The following SHANK2 variants were observed in gnomAD, a reference collection of about 807,000 sequenced individuals.
The protein encoded by SHANK2 is SH3 and multiple ankyrin repeat domains 2, also known as SH3 and multiple ankyrin repeat domains protein 2.
In SHANK2, 43 loss-of-function variants were observed where a neutral mutation model predicts 133.7. That is an observed-to-expected ratio of 0.32 (90% confidence interval 0.25 to 0.41). The LOEUF (loss-of-function observed/expected upper bound fraction) is 0.41. Among genes scored for constraint, SHANK2 ranks in the 10% least tolerant of loss-of-function variants. SHANK2 has a pLI of 1.00. For missense variants in SHANK2, 1,994 were observed against 2,235.8 expected (o/e 0.89, Z 2.18); for synonymous variants, 1,017 against 952.8 (o/e 1.07, Z -1.24).
chr11:70,641,563 G>A (rs1243407730), intron 17 of SHANK2, among the ~76,000 whole-genome samples: 3 of 152,114 alleles, frequency 2.0e-5, no homozygotes, highest in Middle Eastern at 3.2e-3. Flanking sequence ...TGCAGTCAAC[G>A]GAACAGAAGC....
At chr11:70,781,482 C>T (rs1947487066) in intron 14 of SHANK2, among the ~76,000 whole-genome samples, 1 of 147,038 alleles carries the variant, frequency 6.8e-6, no homozygotes, top group African/African-American at 2.5e-5. Context: ...ATCCTCAAAG[C>T]TGCAGGGCAG....
At chr11:70,575,732 G>A (rs1288528751) in intron 17 of SHANK2, among the ~76,000 whole-genome samples, 2 of 151,742 alleles carry the variant, frequency 1.3e-5, no homozygotes, top group Non-Finnish European at 2.9e-5. Flanking sequence ...GATGAGATGT[G>A]TGGAGACTCT....
chr11:71,068,377 G>A (rs990942783), intron 9 of SHANK2, among the ~76,000 whole-genome samples: 7 of 152,154 alleles, frequency 4.6e-5, no homozygotes, highest in African/African-American at 1.4e-4. Context: ...AAAGCTCAAG[G>A]GCTGTAAGAC....
At position 70,569,526 on chromosome 11, in the gene SHANK2, G is replaced by A. The variant is rs1339713349; in HGVS notation, c.2062-66595C>T. On this transcript the variant is annotated intron_variant, in intron 17 of 25. Coordinates refer to ENST00000601538, the MANE Select transcript of SHANK2 (RefSeq NM_012309.5). The surrounding 1 kb of genome is among the most constrained non-coding windows in gnomAD (Gnocchi z 5.1). The stretch of plus-strand genomic sequence containing the variant: ...AGAGGCATGGGTGGCGCTGCCGGCC[G>A]CTTCCCCATCTTACCTCTGCTGGTG... 6.6e-6 allele frequency among the ~76,000 whole-genome samples: 1 copy of A among 152,150 alleles called. No individual in the cohort carries two copies. The highest frequency in any genetic ancestry group is 1.9e-4 in the East Asian group (1 of 5,182).
intron 2 of SHANK2, among the ~76,000 whole-genome samples, chr11:71,195,500 A>G (rs987003550): frequency 1.1e-4 from 17 of 152,266 alleles, no homozygotes; most frequent in African/African-American, 3.1e-4. Context: ...AATTTTAAGA[A>G]AAGTGAAAAC....
intron 10 of SHANK2, among the ~76,000 whole-genome samples, chr11:70,935,872 C>T (rs1950564187): frequency 6.6e-6 from 1 of 152,162 alleles, no homozygotes; most frequent in Non-Finnish European, 1.5e-5. Context: ...TACACCGCCC[C>T]CGCAAAGGTG....
intron 18 of SHANK2, 53 bp downstream of exon 18, chr11:70,502,743 C>G (rs2059076197): frequency 3.0e-6 from 2 of 665,288 alleles, no homozygotes; most frequent in East Asian, 7.9e-5. Context: ...CCGCCCCCAC[C>G]CCCCCCCCCC....
chr11:70,535,353 T>TATCTACCATCATCC lies in SHANK2; in HGVS notation c.2062-32436_2062-32423dup, dbSNP rs1192183464. Among the ~76,000 whole-genome samples, 1 of 151,120 alleles carries TATCTACCATCATCC rather than the reference T, an allele frequency of 6.6e-6. No individual in the cohort carries two copies. Among genetic ancestry groups the TATCTACCATCATCC allele is most frequent in the East Asian group, 2.0e-4 (1 of 5,096 alleles). On this transcript the variant is annotated intron_variant, in intron 17 of 25. Transcript: ENST00000601538. This position sits in a 1 kb window ranked among gnomAD's most constrained non-coding sequence, Gnocchi z 4.3. ...TCTGTTCTTCCATTCATCCATTCAT[T>TATCTACCATCATCC]ATCTACCATCATCCATCTGCCATCA...
chr11:70,719,258 A>G (rs782738126), intron 14 of SHANK2, among the ~76,000 whole-genome samples: 28 of 152,360 alleles, frequency 1.8e-4, no homozygotes, highest in Non-Finnish European at 2.1e-4. Context: ...CAGTTCAAAG[A>G]TGAGAAGCGT....
At chr11:70,858,805 T>C (rs1286291348) in intron 11 of SHANK2, among the ~76,000 whole-genome samples, 1 of 152,226 alleles carries the variant, frequency 6.6e-6, no homozygotes, top group Non-Finnish European at 1.5e-5. Context: ...CACACCTCCA[T>C]CTGGTTATCC....
chr11:70,726,314 A>C (rs1244759502), intron 14 of SHANK2, among the ~76,000 whole-genome samples: 1 of 152,192 alleles, frequency 6.6e-6, no homozygotes, highest in Non-Finnish European at 1.5e-5. Flanking sequence ...AAAAGCAGGA[A>C]GTGCAGAGGT....
chr11:70,602,269 C>G (rs1487791949), intron 17 of SHANK2, among the ~76,000 whole-genome samples: 1 of 152,210 alleles, frequency 6.6e-6, no homozygotes, highest in Non-Finnish European at 1.5e-5. Flanking sequence ...CCAATTACAC[C>G]TCTTTTCTTA....
chr11:71,068,679 T>C (rs1207373875), intron 9 of SHANK2, among the ~76,000 whole-genome samples: 2 of 152,348 alleles, frequency 1.3e-5, no homozygotes, highest in South Asian at 2.1e-4. Flanking sequence ...TCAGCATCAC[T>C]GGGATTCTGG....
intron 11 of SHANK2, among the ~76,000 whole-genome samples, chr11:70,857,890 C>T (rs2135490272): frequency 6.6e-6 from 1 of 152,330 alleles, no homozygotes; most frequent in Admixed American, 6.5e-5. Flanking sequence ...TCTCAAGATG[C>T]TGAGACCCAG....
intron 10 of SHANK2, among the ~76,000 whole-genome samples, chr11:70,917,001 A>T (rs549951663): frequency 6.6e-6 from 1 of 152,348 alleles, no homozygotes; most frequent in Non-Finnish European, 1.5e-5. Context: ...ATTAGGACAC[A>T]GAAAATGAAA....
chr11:70,953,462 C>T (rs1291251944), intron 10 of SHANK2, among the ~76,000 whole-genome samples: 3 of 152,096 alleles, frequency 2.0e-5, no homozygotes, highest in African/African-American at 7.2e-5. Context: ...GTGCAGCCTT[C>T]AGTCTGTGGT....
intron 2 of SHANK2, among the ~76,000 whole-genome samples, chr11:71,213,284 C>T (rs539045277): frequency 1.2e-3 from 189 of 152,306 alleles, no homozygotes; most frequent in Non-Finnish European, 4.1e-4. Flanking sequence ...ACAGCTGTGC[C>T]TGCCAACAAC....
chr11:70,786,933 T>A (rs1422702569), intron 14 of SHANK2, among the ~76,000 whole-genome samples: 1 of 151,566 alleles, frequency 6.6e-6, no homozygotes, highest in Non-Finnish European at 1.5e-5. Context: ...ATCACTACCA[T>A]CATCACCAAC....
At chr11:70,790,967 GA>G (rs1947775129) in intron 14 of SHANK2, among the ~76,000 whole-genome samples, 1 of 152,200 alleles carries the variant, frequency 6.6e-6, no homozygotes, top group Non-Finnish European at 1.5e-5. Context: ...CCAGGCCACA[GA>G]ATGGAAGGGC....
Sources: gnomAD v4.1 joint callset for allele counts (sites outside exome capture counted in the v4.1 genomes callset) on GRCh38, gnomAD v4.1.1 for gene constraint, Gnocchi (gnomAD v3.1) non-coding constraint, MANE v1.5 for transcripts, NCBI Gene and HGNC (gene_info 2026-07-23, HGNC 2026-07-21) for gene names.